The following HEG1 variants were observed in gnomAD, a reference collection of about 807,000 sequenced individuals.
HEG1 encodes the protein protein HEG homolog 1.
HEG1 carries 56 observed loss-of-function variants against 125.6 expected under a neutral mutation model. That is an observed-to-expected ratio of 0.45 (90% CI 0.36 to 0.56). The LOEUF (loss-of-function observed/expected upper bound fraction) is 0.56, where lower values mean the gene tolerates loss of function less well. HEG1 is among the 20% of genes least tolerant of loss of function. The pLI is 0.00. For synonymous variants in HEG1, 644 were observed against 668.5 expected (o/e 0.96, Z 0.57); for missense variants, 1,523 against 1,670.0 (o/e 0.91, Z 1.53).
chr3:125,053,565 C>T (rs1427859998), intron 1 of HEG1, among the ~76,000 whole-genome samples: 1 of 152,184 alleles, frequency 6.6e-6, no homozygotes, highest in Non-Finnish European at 1.5e-5. Context: ...TGGGTGGTGT[C>T]TGTGGGGCAC....
At chr3:125,046,961 T>C (rs911780841) in intron 1 of HEG1, among the ~76,000 whole-genome samples, 6 of 152,262 alleles carry the variant, frequency 3.9e-5, no homozygotes, top group African/African-American at 1.2e-4. Context: ...TTTTATTCAA[T>C]CCTAATAGCT....
At chr3:125,002,375 AC>A in intron 9 of HEG1, 60 bp from the exon 10 acceptor site, 1 of 1,435,694 alleles carries the variant, frequency 7.0e-7, no homozygotes, top group Non-Finnish European at 9.7e-7. Context: ...TGGACCTAGA[AC>A]CAGTTTCCTA....
intron 3 of HEG1, among the ~76,000 whole-genome samples, chr3:125,026,627 A>G (rs183630224): frequency 1.0e-3 from 154 of 152,294 alleles, no homozygotes; most frequent in African/African-American, 2.7e-3. Flanking sequence ...AATAATGAAG[A>G]AATAAAAATC....
At chr3:125,032,620 G>C (rs546050912) in intron 1 of HEG1, among the ~76,000 whole-genome samples, 1 of 152,366 alleles carries the variant, frequency 6.6e-6, no homozygotes, top group African/African-American at 2.4e-5. Flanking sequence ...TGGGAGCTGC[G>C]AAGGCAAGCT....
intron 14 of HEG1, among the ~76,000 whole-genome samples, chr3:124,982,553 A>G (rs1200715324): frequency 6.6e-6 from 1 of 152,230 alleles, no homozygotes; most frequent in Admixed American, 6.5e-5. Flanking sequence ...TTCTCAAGCA[A>G]TGGCTCCATG....
At chr3:125,004,134 C>T (rs1023764360) in intron 9 of HEG1, among the ~76,000 whole-genome samples, 18 of 152,128 alleles carry the variant, frequency 1.2e-4, no homozygotes, top group African/African-American at 2.9e-4. Context: ...TACAGGAGTG[C>T]GCCATCTGAC....
intron 1 of HEG1, among the ~76,000 whole-genome samples, chr3:125,040,868 A>C (rs565906119): frequency 6.6e-6 from 1 of 152,286 alleles, no homozygotes; most frequent in African/African-American, 2.4e-5. Context: ...TTAAGAAAAA[A>C]ATTCCCATGC....
At chr3:125,015,623 A>G (rs1290006237) in intron 5 of HEG1, among the ~76,000 whole-genome samples, 1 of 152,166 alleles carries the variant, frequency 6.6e-6, no homozygotes, top group South Asian at 2.1e-4. Flanking sequence ...ACATGAATAA[A>G]TGTCTGTTTC....
intron 14 of HEG1, among the ~76,000 whole-genome samples, chr3:124,982,942 G>A (rs2107689190): frequency 6.6e-6 from 1 of 152,076 alleles, no homozygotes. Flanking sequence ...GAGCTGTTTG[G>A]TGACCCTATT....
chr3:125,022,931 T>G (rs1179177616), intron 3 of HEG1, among the ~76,000 whole-genome samples: 2 of 152,200 alleles, frequency 1.3e-5, no homozygotes, highest in Non-Finnish European at 2.9e-5. Flanking sequence ...CAGTGGCTCA[T>G]GCCTGTAATC....
chr3:124,998,660 C>A (rs1439329092), intron 11 of HEG1, among the ~76,000 whole-genome samples: 1 of 152,188 alleles, frequency 6.6e-6, no homozygotes, highest in African/African-American at 2.4e-5. Context: ...GACAAAGAAT[C>A]ATTTCATTAT....
At position 125,013,858 on chromosome 3, in the gene HEG1, T is replaced by C. The variant is rs1336296384; in HGVS notation, c.1721A>G (p.Asn574Ser). ...GERALLSITDNSSSSDIVESS... is the reference protein window; with the variant it reads ...GERALLSITDSSSSSDIVESS... ...CTCCACAATGTCTGAGGATGAACTG[T>C]TATCTGTAATGGACAGTAACGCCCG... is the stretch of plus-strand genomic sequence containing the variant. The change falls in exon 6 of 17, where the codon AAC becomes AGC. Residue 574 changes from asparagine (N) to serine (S), a missense_variant. Coordinates refer to ENST00000311127, the MANE Select transcript of HEG1 (RefSeq NM_020733.2). 6.2e-7 allele frequency: 1 copy of C among 1,613,946 alleles called. No individual in the cohort carries two copies. Among genetic ancestry groups the C allele is most frequent in the South Asian group, 1.1e-5 (1 of 91,074 alleles).
rs1320932292 is a variant in HEG1, at chr3:125,055,741, C to T, written c.150G>A (p.Ala50=). The change falls in exon 1 of 17, where the codon GCG becomes GCA. Residue 50 remains alanine, a synonymous_variant. Coordinates refer to ENST00000311127, the MANE Select transcript of HEG1 (RefSeq NM_020733.2). ...RALSLAPLAG[A]GLELQLERRP... Reference sequence around the variant, plus strand: ...GGCGCTCCAGCTGCAGCTCCAGCCCCGCTCCCGCGAGGGGCGCCAGGCTCA... The same window carrying T: ...GGCGCTCCAGCTGCAGCTCCAGCCCTGCTCCCGCGAGGGGCGCCAGGCTCA... The T allele has an allele frequency of 2.9e-6, 3 of 1,027,274 alleles. No homozygotes were observed. The highest frequency in any genetic ancestry group is 1.8e-4 in the East Asian group (2 of 11,102). 63.6% of individuals were successfully genotyped at this position (1,027,274 alleles called of 1,614,324 possible).
Position 125,002,401 on chromosome 3 carries a change from C to CTT in HEG1, c.3298-87_3298-86insAA. The CTT allele has an allele frequency of 3.3e-6, 4 of 1,212,134 alleles. No individual in the cohort carries two copies. The East Asian group carries it at 9.3e-5, about 28-fold the overall frequency. The allele number at this position is 1,212,134 out of a possible 1,614,324, so 75.1% of individuals were successfully genotyped here. On this transcript the variant is annotated intron_variant, in intron 9 of 16. Coordinates refer to ENST00000311127, the MANE Select transcript of HEG1 (RefSeq NM_020733.2). ...CCAGTTTCCTATTTTCAGGATAAAA[C>CTT]AGGCATTTTCCAGCCATCAAGTTAT...
chr3:124,995,072 G>A (rs1181848192), intron 12 of HEG1, among the ~76,000 whole-genome samples: 3 of 152,160 alleles, frequency 2.0e-5, no homozygotes, highest in African/African-American at 7.2e-5. Context: ...GCCGAAGTGG[G>A]TGGATTGCTT....
chr3:125,030,622 AAAT>A (rs1233658856), intron 1 of HEG1, among the ~76,000 whole-genome samples: 4 of 152,234 alleles, frequency 2.6e-5, no homozygotes, highest in Non-Finnish European at 5.9e-5. Flanking sequence ...ATTTTGTGAA[AAAT>A]AATAATAACA....
chr3:125,028,338 G>T (rs114300824), intron 2 of HEG1, among the ~76,000 whole-genome samples: 2 of 152,246 alleles, frequency 1.3e-5, no homozygotes, highest in African/African-American at 4.8e-5. Context: ...AAAGTCCTCC[G>T]TGATTGTCCC....
intron 1 of HEG1, among the ~76,000 whole-genome samples, chr3:125,032,015 T>C (rs923542699): frequency 6.6e-6 from 1 of 152,236 alleles, no homozygotes; most frequent in African/African-American, 2.4e-5. Context: ...TCCAAAAGAT[T>C]ATCACTTCAA....
At position 124,967,404 on chromosome 3, in the gene HEG1, A is replaced by C. The variant is rs1671651027; in HGVS notation, c.*3248T>G. On this transcript the variant is annotated 3_prime_UTR_variant, in exon 17 of 17. Coordinates refer to ENST00000311127, the MANE Select transcript of HEG1 (RefSeq NM_020733.2). ...CTATTTTCTTAATGACAAGTGTCTAAGAATTACATATAAAAAACAATCTGA... is the reference window on the plus strand; with the variant it reads ...CTATTTTCTTAATGACAAGTGTCTACGAATTACATATAAAAAACAATCTGA... The C allele has an allele frequency of 6.6e-6, 1 of 152,028 alleles. No homozygotes were observed. The highest frequency in any genetic ancestry group is 6.6e-5 in the Admixed American group (1 of 15,266). 9.4% of individuals were successfully genotyped at this position (152,028 alleles called of 1,614,324 possible).
Sources: allele counts gnomAD v4.1 joint callset (sites outside exome capture counted in the v4.1 genomes callset), GRCh38; gene constraint gnomAD v4.1.1; transcripts MANE v1.5; gene names NCBI Gene and HGNC (gene_info 2026-07-23, HGNC 2026-07-21).